Variants in AVEN observed in about 807,000 individuals in gnomAD.
AVEN encodes cell death regulator Aven.
Under a neutral mutation model 38.1 loss-of-function variants are expected in AVEN, and 41 were observed. The ratio of observed to expected loss-of-function variants is 1.08; its 90% CI spans 0.84 to 1.40. AVEN has a LOEUF of 1.40. AVEN is among the 40% of genes most tolerant of loss of function. The pLI, the probability that AVEN is intolerant of heterozygous loss-of-function variation, is 0.00. For missense variants in AVEN, 605 were observed against 438.8 expected (o/e 1.38, Z -3.38); for synonymous variants, 206 against 171.8 (o/e 1.20, Z -1.56).
At chr15:33,876,375 C>G (rs1474289786) in intron 2 of AVEN, among the ~76,000 whole-genome samples, 1 of 152,040 alleles carries the variant, frequency 6.6e-6, no homozygotes, top group East Asian at 1.9e-4. Context: ...AGTACAAGAC[C>G]AGCCTGGACA....
At chr15:33,982,988 ACCTCTTAACTGC>A (rs1489964836) in intron 2 of AVEN, among the ~76,000 whole-genome samples, 1 of 86,304 alleles carries the variant, frequency 1.2e-5, no homozygotes, top group Admixed American at 1.0e-4. Flanking sequence ...GAAAGACTGC[ACCTCTTAACTGC>A]ATGGACCATG....
intron 2 of AVEN, among the ~76,000 whole-genome samples, chr15:33,955,246 T>C (rs1315336010): frequency 6.6e-6 from 1 of 152,166 alleles, no homozygotes; most frequent in Non-Finnish European, 1.5e-5. Context: ...TTGAAATATA[T>C]TTGGGCATAG....
At chr15:33,917,766 A>C (rs1028563000) in intron 2 of AVEN, among the ~76,000 whole-genome samples, 1 of 152,190 alleles carries the variant, frequency 6.6e-6, no homozygotes, top group Admixed American at 6.5e-5. Flanking sequence ...GTTCTCACTC[A>C]TAAGTGGGAG....
At chr15:33,861,423 A>G (rs1006457620), downstream of AVEN, among the ~76,000 whole-genome samples, 7 of 151,936 alleles carry the variant, frequency 4.6e-5, no homozygotes, top group African/African-American at 1.7e-4. Flanking sequence ...TCCGGGACAC[A>G]TACCTCCAGC....
At chr15:33,854,028 CTAA>C (rs919013100), downstream of AVEN, among the ~76,000 whole-genome samples, 2 of 151,994 alleles carry the variant, frequency 1.3e-5, no homozygotes, top group South Asian at 2.1e-4. Flanking sequence ...CCCGTCTCTA[CTAA>C]TAATATTTTT....
chr15:33,862,203 A>G (rs1888514613), downstream of AVEN, among the ~76,000 whole-genome samples: 1 of 151,736 alleles, frequency 6.6e-6, no homozygotes, highest in Non-Finnish European at 1.5e-5. Flanking sequence ...TCTATTTTGT[A>G]GCTTAGAGAG....
intron 2 of AVEN, among the ~76,000 whole-genome samples, chr15:33,910,964 G>A (rs114242658): frequency 0.01 from 1,536 of 152,226 alleles, 31 homozygotes; most frequent in African/African-American, 0.035. Context: ...AACTGCTTTG[G>A]AAGAAAAACA....
chr15:34,050,901 G>A (rs1248060035), intron 5 of AVEN, among the ~76,000 whole-genome samples: 1 of 152,064 alleles, frequency 6.6e-6, no homozygotes, highest in Non-Finnish European at 1.5e-5. Flanking sequence ...CAATAATAGT[G>A]GGAGACTTTA....
chr15:34,009,694 A>T (rs897254322), intron 1 of AVEN, among the ~76,000 whole-genome samples: 2 of 152,216 alleles, frequency 1.3e-5, no homozygotes, highest in African/African-American at 4.8e-5. Context: ...AATCAAAAAG[A>T]TATAACAATA....
At chr15:33,879,088 A>T (rs1305194465) in intron 2 of AVEN, among the ~76,000 whole-genome samples, 1 of 152,090 alleles carries the variant, frequency 6.6e-6, no homozygotes, top group East Asian at 1.9e-4. Flanking sequence ...TGCTGCTATA[A>T]AGACACATGC....
intron 1 of AVEN, among the ~76,000 whole-genome samples, chr15:34,016,345 T>A (rs1166955756): frequency 6.6e-6 from 1 of 152,218 alleles, no homozygotes; most frequent in African/African-American, 2.4e-5. Context: ...CTTTTAAAAA[T>A]CTTATTATGT....
At chr15:33,961,694 T>A (rs1895182747) in intron 2 of AVEN, among the ~76,000 whole-genome samples, 1 of 150,266 alleles carries the variant, frequency 6.7e-6, no homozygotes, top group South Asian at 2.1e-4. Context: ...GCACCTGTAG[T>A]CCCAGCTACT....
rs1891220399 is a variant in AVEN at position 33,876,115 on chromosome 15, A to T, written c.446-120T>A. ...AGTGCTCAAACTCAAAGGGAGAGGC[A>T]AGGATAAAACTGGAACATACCTCCA... On this transcript the variant is annotated intron_variant, in intron 2 of 5. Coordinates refer to ENST00000306730, the MANE Select transcript of AVEN (RefSeq NM_020371.3). The T allele has an allele frequency of 4.7e-6, 4 of 857,158 alleles. No homozygotes were observed. The East Asian group carries it at 1.1e-4, about 23-fold the overall frequency. The allele number at this position is 857,158 out of a possible 1,614,324, so 53.1% of individuals were successfully genotyped here.
At chr15:33,872,651 C>T (rs1891026823) in intron 3 of AVEN, among the ~76,000 whole-genome samples, 1 of 152,184 alleles carries the variant, frequency 6.6e-6, no homozygotes, top group Admixed American at 6.5e-5. Context: ...GCAGTTTGCT[C>T]AGCAGCCAGT....
At chr15:33,903,381 C>T (rs1331598802) in intron 2 of AVEN, among the ~76,000 whole-genome samples, 1 of 152,164 alleles carries the variant, frequency 6.6e-6, no homozygotes, top group Non-Finnish European at 1.5e-5. Flanking sequence ...CCTATACTAG[C>T]CTTCCTTCTA....
intron 1 of AVEN, among the ~76,000 whole-genome samples, chr15:34,008,376 T>C (rs921238888): frequency 6.6e-6 from 1 of 150,724 alleles, no homozygotes; most frequent in African/African-American, 2.5e-5. Flanking sequence ...GCTGTGATTG[T>C]GCCACTGCAC....
intron 2 of AVEN, among the ~76,000 whole-genome samples, chr15:33,997,136 G>A (rs1183360410): frequency 6.6e-6 from 1 of 152,158 alleles, no homozygotes; most frequent in Non-Finnish European, 1.5e-5. Flanking sequence ...TTAACCTTGG[G>A]AGAAAGATGG....
intron 2 of AVEN, among the ~76,000 whole-genome samples, chr15:33,985,899 C>A (rs1032004606): frequency 2.0e-5 from 3 of 152,136 alleles, no homozygotes; most frequent in African/African-American, 7.2e-5. Context: ...TTCTCTAATA[C>A]TGAAAGGTTC....
At chr15:33,992,356 C>A (rs923809223) in intron 2 of AVEN, among the ~76,000 whole-genome samples, 2 of 152,082 alleles carry the variant, frequency 1.3e-5, no homozygotes, top group Non-Finnish European at 2.9e-5. Context: ...CGCCACTGCA[C>A]TCCAGCCTGC....
Sources: allele counts gnomAD v4.1 joint callset (sites outside exome capture counted in the v4.1 genomes callset), GRCh38; gene constraint gnomAD v4.1.1; transcripts MANE v1.5; gene names NCBI Gene and HGNC (gene_info 2026-07-23, HGNC 2026-07-21).